The following OLFM2 variants were observed in gnomAD, a reference collection of about 807,000 sequenced individuals.
OLFM2 encodes noelin-2.
In OLFM2, 20 loss-of-function variants were observed where a neutral mutation model predicts 43.9. The ratio of observed to expected loss-of-function variants is 0.46; its 90% CI spans 0.32 to 0.66. The LOEUF (loss-of-function observed/expected upper bound fraction) is 0.66. OLFM2 is among the 30% of genes least tolerant of loss of function. OLFM2 has a pLI of 0.04. For synonymous variants in OLFM2, 268 were observed against 278.6 expected (o/e 0.96, Z 0.38); for missense variants, 416 against 643.6 (o/e 0.65, Z 3.83).
chr19:9,912,854 GGAGAGAAAAA>G (rs748272448), intron 1 of OLFM2, among the ~76,000 whole-genome samples: 4 of 151,784 alleles, frequency 2.6e-5, no homozygotes, highest in African/African-American at 7.3e-5. Context: ...GGGGTGCAGG[GGAGAGAAAAA>G]GAGAGAAAAA....
At chr19:9,895,112 T>G (rs1236264057) in intron 1 of OLFM2, among the ~76,000 whole-genome samples, 1 of 152,162 alleles carries the variant, frequency 6.6e-6, no homozygotes, top group East Asian at 1.9e-4. Context: ...ATCCTACTGA[T>G]GTTAACTCCT....
chr19:9,914,729 C>T (rs981573674), intron 1 of OLFM2, among the ~76,000 whole-genome samples: 9 of 152,088 alleles, frequency 5.9e-5, no homozygotes, highest in Admixed American at 5.2e-4. Context: ...CCCACCCGTC[C>T]GCCCACGCAT....
chr19:9,880,665 T>C (rs2046532087), intron 1 of OLFM2, among the ~76,000 whole-genome samples: 1 of 151,944 alleles, frequency 6.6e-6, no homozygotes, highest in South Asian at 2.1e-4. Flanking sequence ...AAAGACCACG[T>C]GAAGATACAG....
At chr19:9,911,216 T>C (rs2144990805) in intron 1 of OLFM2, among the ~76,000 whole-genome samples, 1 of 152,118 alleles carries the variant, frequency 6.6e-6, no homozygotes, top group East Asian at 1.9e-4. Context: ...ATAGAGCAAG[T>C]TGGGGACAAA....
chr19:9,877,351 T>G (rs1036457333), intron 1 of OLFM2, among the ~76,000 whole-genome samples: 4 of 151,368 alleles, frequency 2.6e-5, no homozygotes, highest in African/African-American at 9.7e-5. Flanking sequence ...CTGACCAACA[T>G]GGAGAAACCC....
At chr19:9,906,433 T>C (rs1490584240) in intron 1 of OLFM2, among the ~76,000 whole-genome samples, 1 of 152,146 alleles carries the variant, frequency 6.6e-6, no homozygotes, top group African/African-American at 2.4e-5. Flanking sequence ...TATGTGTCTC[T>C]GGCCCCTGAG....
At chr19:9,870,691 C>A (rs138694509) in intron 1 of OLFM2, among the ~76,000 whole-genome samples, 6 of 152,230 alleles carry the variant, frequency 3.9e-5, no homozygotes, top group African/African-American at 1.4e-4. Flanking sequence ...CAGGCTAACT[C>A]TTCCCCATCC....
At chr19:9,900,074 G>A (rs1475513561) in intron 1 of OLFM2, among the ~76,000 whole-genome samples, 2 of 152,190 alleles carry the variant, frequency 1.3e-5, no homozygotes, top group South Asian at 2.1e-4. Flanking sequence ...TAGGTCCCTG[G>A]AGCCCCAGCT....
chr19:9,910,169 T>A (rs1205116848), intron 1 of OLFM2, among the ~76,000 whole-genome samples: 2 of 152,088 alleles, frequency 1.3e-5, no homozygotes, highest in Non-Finnish European at 2.9e-5. Context: ...ATCACTACAC[T>A]CCAGCCTGGG....
chr19:9,874,426 C>G (rs1267178920), intron 1 of OLFM2, among the ~76,000 whole-genome samples: 1 of 151,168 alleles, frequency 6.6e-6, no homozygotes, highest in Non-Finnish European at 1.5e-5. Context: ...CTAAGCCTCC[C>G]AAAGTGGTGG....
chr19:9,913,753 G>A (rs2046849973), intron 1 of OLFM2: 2 of 898,446 alleles, frequency 2.2e-6, no homozygotes, highest in Middle Eastern at 5.2e-4. Context: ...CTGCGGGGCA[G>A]GGGGTCCGGG....
intron 1 of OLFM2, among the ~76,000 whole-genome samples, chr19:9,902,561 T>C (rs2046750226): frequency 6.6e-6 from 1 of 152,010 alleles, no homozygotes; most frequent in African/African-American, 2.4e-5. Flanking sequence ...TTTTATATTT[T>C]GTATTTAGTA....
intron 1 of OLFM2, among the ~76,000 whole-genome samples, chr19:9,890,347 C>A (rs1268423458): frequency 6.6e-6 from 1 of 152,090 alleles, no homozygotes; most frequent in Non-Finnish European, 1.5e-5. Context: ...CCTGATGTAT[C>A]TGAAGCTAAG....
At position 9,854,222 on chromosome 19, in the gene OLFM2, G is replaced by A; in HGVS notation, c.1329C>T (p.Thr443=). The change falls in exon 6 of 6, where the codon ACC becomes ACT. Residue 443 remains threonine (T), a synonymous_variant. Transcript: ENST00000264833. This position sits in a 1 kb window ranked among gnomAD's most constrained non-coding sequence, Gnocchi z 9.5. ...NNGHQVLYNV[T]LFHVISTSGD... ...CAGAGGTGCTGATGACGTGAAACAGGGTGACATTGTAGAGCACCTGGTGGC... is the reference window on the plus strand; with the variant it reads ...CAGAGGTGCTGATGACGTGAAACAGAGTGACATTGTAGAGCACCTGGTGGC... The A allele has an allele frequency of 6.2e-7, 1 of 1,614,168 alleles. No homozygotes were observed. The highest frequency in any genetic ancestry group is 8.5e-7 in the Non-Finnish European group (1 of 1,180,028).
At chr19:9,866,261 G>A (rs372548282) in intron 1 of OLFM2, among the ~76,000 whole-genome samples, 8 of 152,240 alleles carry the variant, frequency 5.3e-5, no homozygotes, top group African/African-American at 1.9e-4. Flanking sequence ...CCTAGGAACC[G>A]CTGGAATGTT....
chr19:9,866,134 A>C (rs755884443), intron 1 of OLFM2, among the ~76,000 whole-genome samples: 3 of 152,150 alleles, frequency 2.0e-5, no homozygotes, highest in Non-Finnish European at 4.4e-5. Flanking sequence ...ATCTCACCGG[A>C]GTGTTCTCTG....
chr19:9,854,152 C>A lies in OLFM2; in HGVS notation c.*34G>T. 1.9e-6 allele frequency: 3 copies of A among 1,605,488 alleles called. No individual in the cohort carries two copies. Among genetic ancestry groups the A allele is most frequent in the East Asian group, 2.2e-5 (1 of 44,776 alleles). The stretch of plus-strand genomic sequence containing the variant: ...GAAAAGGGCCCCCAGCCCCCAGAGG[C>A]CCCCCAGGCAGCAGCCCGAGCCACA... On this transcript the variant is annotated 3_prime_UTR_variant, in exon 6 of 6. Transcript: ENST00000264833. The surrounding 1 kb of genome is among the most constrained non-coding windows in gnomAD (Gnocchi z 9.5).
chr19:9,886,543 G>A (rs777275891), intron 1 of OLFM2, among the ~76,000 whole-genome samples: 7 of 151,774 alleles, frequency 4.6e-5, no homozygotes, highest in South Asian at 2.1e-4. Context: ...TTCACACCCT[G>A]GCACCGAGTT....
chr19:9,854,765 C>T lies in OLFM2; in HGVS notation c.786G>A (p.Leu262=), dbSNP rs764968309. The change falls in exon 6 of 6, where the codon CTG becomes CTA. Residue 262 remains leucine (L), a synonymous_variant. Coordinates refer to ENST00000264833, the MANE Select transcript of OLFM2 (RefSeq NM_058164.4). The surrounding 1 kb of genome is among the most constrained non-coding windows in gnomAD (Gnocchi z 9.5). ...GGCCCGTGCCCGCCCACGGCTGGGG[C>T]AGCAGGTGCTGGATAAAGTTCTGGC... is the stretch of plus-strand genomic sequence containing the variant. ...IKGQNFIQHL[L]PQPWAGTGHV... 40 of 1,613,252 alleles carry T rather than the reference C, an allele frequency of 2.5e-5. No homozygotes were observed. The highest frequency in any genetic ancestry group is 3.2e-5 in the Non-Finnish European group (38 of 1,179,496).
Sources: allele counts gnomAD v4.1 joint callset (sites outside exome capture counted in the v4.1 genomes callset), GRCh38; gene constraint gnomAD v4.1.1; non-coding constraint Gnocchi (gnomAD v3.1); transcripts MANE v1.5; gene names NCBI Gene and HGNC (gene_info 2026-07-23, HGNC 2026-07-21).